Variants in PITPNM3 observed in about 807,000 individuals in gnomAD.
The protein encoded by PITPNM3 is membrane-associated phosphatidylinositol transfer protein 3.
PITPNM3 carries 26 observed loss-of-function variants against 102.0 expected under a neutral mutation model. That is an observed-to-expected ratio of 0.25 (90% CI 0.19 to 0.35). The LOEUF (loss-of-function observed/expected upper bound fraction) is 0.35. Among genes scored for constraint, PITPNM3 ranks in the 10% least tolerant of loss-of-function variants. The pLI, the probability that PITPNM3 is intolerant of heterozygous loss-of-function variation, is 1.00. For missense variants in PITPNM3, 1,083 were observed against 1,346.1 expected, an observed-to-expected ratio of 0.80 and a Z score of 3.06; for synonymous variants, 578 against 558.6, an observed-to-expected ratio of 1.03 and a Z score of -0.49.
rs771541725 is a variant in PITPNM3, at chr17:6,468,164, G to C, written c.1890+61C>G. On this transcript the variant is annotated intron_variant, in intron 14 of 19. Coordinates refer to ENST00000262483, the MANE Select transcript of PITPNM3 (RefSeq NM_031220.4). This position sits in a 1 kb window ranked among gnomAD's most constrained non-coding sequence, Gnocchi z 5.2. Reference sequence around the variant, plus strand: ...TCCCATGTGGATGCCCCAGCCCCCGGGCCAGCCCCACCTCCCGGAGGACAC... The same window carrying C: ...TCCCATGTGGATGCCCCAGCCCCCGCGCCAGCCCCACCTCCCGGAGGACAC... The C allele has an allele frequency of 1.9e-6, 3 of 1,542,208 alleles. No homozygotes were observed. The highest frequency in any genetic ancestry group is 1.4e-5 in the African/African-American group (1 of 73,476).
chr17:6,513,999 C>A (rs748596795), intron 3 of PITPNM3, among the ~76,000 whole-genome samples: 33 of 152,138 alleles, frequency 2.2e-4, no homozygotes, highest in Non-Finnish European at 4.1e-4. Flanking sequence ...TTTTGACAAA[C>A]CTGCCTAAAC....
chr17:6,544,654 T>TCTCTCACACA (rs376230474), intron 1 of PITPNM3, among the ~76,000 whole-genome samples: 9,872 of 130,094 alleles, frequency 0.076, 502 homozygotes, highest in Non-Finnish European at 0.11. Context: ...TCTCTCTCTC[T>TCTCTCACACA]CACACACACA....
chr17:6,535,142 G>A (rs757873246), intron 2 of PITPNM3, among the ~76,000 whole-genome samples: 1 of 152,098 alleles, frequency 6.6e-6, no homozygotes, highest in Non-Finnish European at 1.5e-5. Context: ...AGTTGGAACT[G>A]TTGAGGCCAC....
intron 3 of PITPNM3, among the ~76,000 whole-genome samples, chr17:6,507,832 C>A (rs1191259634): frequency 6.6e-6 from 1 of 152,120 alleles, no homozygotes; most frequent in Non-Finnish European, 1.5e-5. Flanking sequence ...AGTCGGTACT[C>A]ACGGAGACAG....
At chr17:6,505,201 T>C (rs970205821) in intron 3 of PITPNM3, among the ~76,000 whole-genome samples, 9 of 148,228 alleles carry the variant, frequency 6.1e-5, no homozygotes, top group African/African-American at 2.3e-4. Flanking sequence ...ATAAAATATA[T>C]ATATATATAT....
At chr17:6,500,248 T>C (rs1290584077) in intron 4 of PITPNM3, among the ~76,000 whole-genome samples, 1 of 152,234 alleles carries the variant, frequency 6.6e-6, no homozygotes, top group Non-Finnish European at 1.5e-5. Context: ...TTTAGTGAGT[T>C]TTCAAAAATC....
intron 4 of PITPNM3, among the ~76,000 whole-genome samples, chr17:6,496,971 T>C (rs190583433): frequency 3.3e-5 from 5 of 151,858 alleles, no homozygotes; most frequent in African/African-American, 1.2e-4. Flanking sequence ...AATGCACACA[T>C]ACAAGTGCAA....
At chr17:6,544,781 A>C (rs925433973) in intron 1 of PITPNM3, among the ~76,000 whole-genome samples, 12 of 151,842 alleles carry the variant, frequency 7.9e-5, no homozygotes, top group Non-Finnish European at 1.5e-4. Flanking sequence ...AGGCCTTGGG[A>C]TGTCCCATGG....
intron 1 of PITPNM3, among the ~76,000 whole-genome samples, chr17:6,544,869 A>G (rs199994599): frequency 0.58 from 88,436 of 151,822 alleles, 25,965 homozygotes; most frequent in South Asian, 0.74. Flanking sequence ...ACACACTCAC[A>G]CACACACACA....
rs146087433 is a variant in PITPNM3, at chr17:6,470,377, G to C, written c.1656C>G (p.Ile552Met). ...ITAKWWGSKRIDYALYCPDVL... is the reference protein window; with the variant it reads ...ITAKWWGSKRMDYALYCPDVL... ...CATCAGGGCAGTACAGGGCATAGTC[G>C]ATCCTCTTGCTTCCCCACCACTTGG... Residue 552 changes from isoleucine to methionine, a missense_variant, in exon 13 of 20, where the codon ATC becomes ATG. Ile to Met is a conservative substitution (Grantham distance 10). Around this residue, in one of 5 missense-constraint regions of PITPNM3, gnomAD observed 410 missense variants for 638.4 expected, o/e 0.64. Coordinates refer to ENST00000262483, the MANE Select transcript of PITPNM3 (RefSeq NM_031220.4). The surrounding 1 kb of genome is among the most constrained non-coding windows in gnomAD (Gnocchi z 4.8). 2.0e-5 allele frequency: 33 copies of C among 1,614,072 alleles called. No individual in the cohort carries two copies. The highest frequency in any genetic ancestry group is 2.3e-5 in the Non-Finnish European group (27 of 1,180,034).
At chr17:6,494,501 CCT>C (rs1248733594) in intron 4 of PITPNM3, among the ~76,000 whole-genome samples, 1 of 152,224 alleles carries the variant, frequency 6.6e-6, no homozygotes, top group Non-Finnish European at 1.5e-5. Context: ...CACAGTAACC[CCT>C]GCCAAGTGTG....
intron 3 of PITPNM3, among the ~76,000 whole-genome samples, chr17:6,505,220 A>G (rs557086323): frequency 6.7e-6 from 1 of 149,604 alleles, no homozygotes; most frequent in South Asian, 2.1e-4. Flanking sequence ...ATATATGTAA[A>G]GCCTTCAGAA....
intron 9 of PITPNM3, 92 bp downstream of exon 9, chr17:6,476,937 C>T: frequency 6.8e-7 from 1 of 1,468,098 alleles, no homozygotes; most frequent in Non-Finnish European, 9.3e-7. Context: ...TCTATGGGCC[C>T]CCATGGAAGG....
intron 3 of PITPNM3, among the ~76,000 whole-genome samples, chr17:6,523,212 T>C (rs1023559277): frequency 1.3e-5 from 2 of 152,322 alleles, no homozygotes; most frequent in East Asian, 3.9e-4. Flanking sequence ...GCAACATTGG[T>C]CATGCTTCTC....
chr17:6,467,069 A>AAAACAAAAAAC lies in PITPNM3; in HGVS notation c.1890+1155_1890+1156insGTTTTTTGTTT, dbSNP rs1452861033. Among the ~76,000 whole-genome samples the AAAACAAAAAAC allele has an allele frequency of 4.5e-3, 131 of 29,428 alleles. 1 individual carries two copies. Among genetic ancestry groups the AAAACAAAAAAC allele is most frequent in the African/African-American group, 0.012 (127 of 10,462 alleles). The allele number at this position is 29,428 out of a possible 152,430, so 19.3% of individuals were successfully genotyped here. On this transcript the variant is annotated intron_variant, in intron 14 of 19. Coordinates refer to ENST00000262483, the MANE Select transcript of PITPNM3 (RefSeq NM_031220.4). ...CAGAACAAGACTCCGTCTCAAAACA[A>AAAACAAAAAAC]AAAAAAAAAACCAAAAAAAAAAAAC...
At chr17:6,461,243 A>G in intron 18 of PITPNM3, 130 bp downstream of exon 18, 1 of 1,154,848 alleles carries the variant, frequency 8.7e-7, no homozygotes, top group Non-Finnish European at 1.3e-6. Context: ...GGGCCCATCC[A>G]GATCCACGGG....
At chr17:6,501,989 C>T (rs986296842) in intron 4 of PITPNM3, among the ~76,000 whole-genome samples, 2 of 152,192 alleles carry the variant, frequency 1.3e-5, no homozygotes, top group African/African-American at 2.4e-5. Context: ...TTCCTTACAC[C>T]CCTACGAGTG....
chr17:6,478,212 G>A lies in PITPNM3; in HGVS notation c.778-115C>T. ...AGAATGAGAAACTCGTCCTTGGGAG[G>A]TGTTGAGAGAGCCCAACTGGGAAGC... On this transcript the variant is annotated intron_variant, in intron 7 of 19. Coordinates refer to ENST00000262483, the MANE Select transcript of PITPNM3 (RefSeq NM_031220.4). The surrounding 1 kb of genome is among the most constrained non-coding windows in gnomAD (Gnocchi z 4.4). 2 of 1,534,988 alleles carry A rather than the reference G, an allele frequency of 1.3e-6. No homozygotes were observed. The highest frequency in any genetic ancestry group is 1.8e-6 in the Non-Finnish European group (2 of 1,134,794).
At chr17:6,518,353 G>T (rs565993459) in intron 3 of PITPNM3, among the ~76,000 whole-genome samples, 1 of 151,682 alleles carries the variant, frequency 6.6e-6, no homozygotes, top group South Asian at 2.1e-4. Flanking sequence ...GGGGACTGAG[G>T]TTATACAAGT....
Sources: gnomAD v4.1 joint callset for allele counts (sites outside exome capture counted in the v4.1 genomes callset) on GRCh38, gnomAD v4.1.1 for gene constraint, gnomAD v4.1.1 regional missense constraint, Gnocchi (gnomAD v3.1) non-coding constraint, MANE v1.5 for transcripts, NCBI Gene and HGNC (gene_info 2026-07-23, HGNC 2026-07-21) for gene names.